Variants in KATNA1 observed in about 807,000 individuals in gnomAD.
KATNA1 encodes katanin catalytic subunit A1, also known as katanin p60 ATPase-containing subunit A1.
KATNA1 carries 42 observed loss-of-function variants against 62.6 expected under a neutral mutation model. The observed-to-expected ratio is 0.67, with a 90% CI of 0.52 to 0.87. The LOEUF (loss-of-function observed/expected upper bound fraction) is 0.87. Ranked by LOEUF, KATNA1 falls within the 40% of genes least tolerant of loss-of-function variation. The probability of loss-of-function intolerance (pLI) is 0.00; values close to 1 mark genes in which losing one functional copy is unlikely to be tolerated. For missense variants in KATNA1, 498 were observed against 612.5 expected, an observed-to-expected ratio of 0.81 and a Z score of 1.97; for synonymous variants, 186 against 201.9, an observed-to-expected ratio of 0.92 and a Z score of 0.67.
intron 5 of KATNA1, 84 bp downstream of exon 5, chr6:149,604,577 C>T (rs1395882174): frequency 7.0e-7 from 1 of 1,422,548 alleles, no homozygotes; most frequent in African/African-American, 1.4e-5. Flanking sequence ...AAGCTCTGCT[C>T]TTCAGTACAT....
intron 4 of KATNA1, among the ~76,000 whole-genome samples, chr6:149,614,294 T>C (rs1779078884): frequency 6.6e-6 from 1 of 152,194 alleles, no homozygotes; most frequent in Non-Finnish European, 1.5e-5. Flanking sequence ...GGGGCAGCTA[T>C]GGTTGCACCC....
intron 3 of KATNA1, among the ~76,000 whole-genome samples, chr6:149,629,441 T>C (rs999679764): frequency 6.6e-6 from 1 of 152,104 alleles, no homozygotes; most frequent in African/African-American, 2.4e-5. Flanking sequence ...GATCTTGGAC[T>C]TCCCGGCCTC....
chr6:149,618,895 GA>G (rs1486416543), intron 4 of KATNA1, among the ~76,000 whole-genome samples: 1 of 152,178 alleles, frequency 6.6e-6, no homozygotes, highest in Non-Finnish European at 1.5e-5. Flanking sequence ...TGATGTAGGA[GA>G]AATGCTTCAG....
intron 3 of KATNA1, among the ~76,000 whole-genome samples, chr6:149,625,279 T>C (rs974866512): frequency 6.6e-6 from 1 of 152,092 alleles, no homozygotes; most frequent in Non-Finnish European, 1.5e-5. Context: ...CACTGAGACA[T>C]GAGATGAGGG....
chr6:149,620,049 G>A (rs937006283), intron 4 of KATNA1, among the ~76,000 whole-genome samples: 1 of 152,176 alleles, frequency 6.6e-6, no homozygotes, highest in Non-Finnish European at 1.5e-5. Context: ...CAACATGGAT[G>A]AGTTTGGAGG....
chr6:149,617,686 G>A (rs1381904730), intron 4 of KATNA1, among the ~76,000 whole-genome samples: 1 of 151,260 alleles, frequency 6.6e-6, no homozygotes, highest in Non-Finnish European at 1.5e-5. Context: ...TGTAATCCCA[G>A]CACTTTGGGA....
At chr6:149,645,113 G>A (rs1466172662) in intron 1 of KATNA1, among the ~76,000 whole-genome samples, 1 of 152,098 alleles carries the variant, frequency 6.6e-6, no homozygotes, top group East Asian at 1.9e-4. Flanking sequence ...GCTGTATTAA[G>A]CACAATATCT....
intron 4 of KATNA1, among the ~76,000 whole-genome samples, chr6:149,622,432 A>G (rs1056023109): frequency 3.3e-5 from 5 of 152,148 alleles, no homozygotes; most frequent in African/African-American, 1.2e-4. Context: ...CTTAGTCTCA[A>G]ATGGTTCAGG....
chr6:149,598,466 T>C, intron 7 of KATNA1, 116 bp from the exon 8 acceptor site: 1 of 965,928 alleles, frequency 1.0e-6, no homozygotes, highest in Non-Finnish European at 1.5e-6. Context: ...GGCTCACACC[T>C]GTAATCCCAA....
intron 6 of KATNA1, 130 bp from the exon 7 acceptor site, chr6:149,601,882 TAAAC>T (rs112061604): frequency 4.5e-5 from 25 of 555,388 alleles, no homozygotes; most frequent in Non-Finnish European, 5.2e-5. Context: ...GACAAACAGA[TAAAC>T]AGGAGGATAC....
intron 9 of KATNA1, 75 bp downstream of exon 9, chr6:149,597,432 T>C: frequency 1.9e-6 from 3 of 1,551,526 alleles, no homozygotes; most frequent in Non-Finnish European, 2.6e-6. Context: ...AGTTAGTTAA[T>C]AACAAATTTT....
intron 3 of KATNA1, among the ~76,000 whole-genome samples, chr6:149,632,395 A>G (rs932329060): frequency 1.3e-5 from 2 of 152,014 alleles, no homozygotes; most frequent in African/African-American, 4.8e-5. Flanking sequence ...AAGAAAAAAA[A>G]GAAAAATCTG....
rs534155184 is a variant in KATNA1 at position 149,636,679 on chromosome 6, T to TTC, written c.162+1706_162+1707insGA. Among the ~76,000 whole-genome samples, 13 of 151,886 alleles carry TTC rather than the reference T, an allele frequency of 8.6e-5. No homozygotes were observed. The South Asian group carries it at 2.7e-3, about 32-fold the overall frequency. On this transcript the variant is annotated intron_variant, in intron 2 of 10. Transcript: ENST00000367411. ...TTTTTTGAGACAGAGTCTTGCTCTG[T>TTC]TGCCAGGCTGGAGTGCAATGGTGCG...
At chr6:149,631,189 G>T (rs1331230623) in intron 3 of KATNA1, among the ~76,000 whole-genome samples, 1 of 152,128 alleles carries the variant, frequency 6.6e-6, no homozygotes, top group Non-Finnish European at 1.5e-5. Flanking sequence ...CACGAGGTCA[G>T]GAGTTCGAGA....
At position 149,595,225 on chromosome 6, in the gene KATNA1, G is replaced by T. The variant is rs996940344; in HGVS notation, c.1287C>A (p.Ser429=). The T allele has an allele frequency of 6.2e-7, 1 of 1,613,264 alleles. No homozygotes were observed. The highest frequency in any genetic ancestry group is 8.5e-7 in the Non-Finnish European group (1 of 1,179,462). The change falls in exon 11 of 11, where the codon TCC becomes TCA. Residue 429 remains serine, a synonymous_variant. Transcript: ENST00000367411. ...ADITNVCRDA[S]LMAMRRRIEG... is the part of the protein sequence containing the mutation. Reference sequence around the variant, plus strand: ...CAATGCGCCTTCTCATTGCCATCAAGGACGCATCCCTAGGTTTTAAGTTAA... The same window carrying T: ...CAATGCGCCTTCTCATTGCCATCAATGACGCATCCCTAGGTTTTAAGTTAA...
At chr6:149,645,285 T>C (rs976522543) in intron 1 of KATNA1, among the ~76,000 whole-genome samples, 5 of 151,574 alleles carry the variant, frequency 3.3e-5, no homozygotes, top group South Asian at 2.1e-4. Flanking sequence ...CTACTAAAAA[T>C]ACAAAAAATT....
chr6:149,597,021 G>A (rs1454595043), intron 10 of KATNA1, 42 bp downstream of exon 10: 2 of 1,604,416 alleles, frequency 1.2e-6, no homozygotes, highest in African/African-American at 1.3e-5. Context: ...CATACTAGAA[G>A]TTTATGCTTA....
At chr6:149,607,520 G>A (rs1778788849) in intron 4 of KATNA1, among the ~76,000 whole-genome samples, 1 of 152,174 alleles carries the variant, frequency 6.6e-6, no homozygotes, top group African/African-American at 2.4e-5. Flanking sequence ...AGGCTGAGAG[G>A]AGAATCGCTT....
intron 3 of KATNA1, 100 bp downstream of exon 3, chr6:149,632,659 C>A: frequency 1.0e-6 from 1 of 956,578 alleles, no homozygotes; most frequent in Non-Finnish European, 1.5e-6. Context: ...AAGAAAACTC[C>A]CTCCCATTCC....
Sources: gnomAD v4.1 joint callset for allele counts (sites outside exome capture counted in the v4.1 genomes callset) on GRCh38, gnomAD v4.1.1 for gene constraint, MANE v1.5 for transcripts, NCBI Gene and HGNC (gene_info 2026-07-23, HGNC 2026-07-21) for gene names.